NPIPB2: variants seen among roughly 807,000 people sequenced by gnomAD.
NPIPB2 encodes nuclear pore complex interacting protein family member B2.
A neutral mutation model predicts 30.8 loss-of-function variants in NPIPB2; 27 were observed. That is an observed-to-expected ratio of 0.88 (90% CI 0.65 to 1.21). The LOEUF is 1.21. Among genes scored for constraint, NPIPB2 ranks in the 50% most tolerant of loss-of-function variants. NPIPB2 has a pLI of 0.00. For synonymous variants in NPIPB2, 147 were observed against 162.0 expected, an observed-to-expected ratio of 0.91 and a Z score of 0.70; for missense variants, 440 against 446.2, an observed-to-expected ratio of 0.99 and a Z score of 0.13.
chr16:11,951,526 G>A (rs1275675232), intron 1 of NPIPB2, among the ~76,000 whole-genome samples: 5 of 150,308 alleles, frequency 3.3e-5, no homozygotes, highest in Non-Finnish European at 7.4e-5. Context: ...CAAAGTGAGG[G>A]CTAATATTTC....
intron 1 of NPIPB2, chr16:11,967,224 GC>G (rs2055201287): frequency 4.4e-6 from 1 of 225,432 alleles, no homozygotes; most frequent in Admixed American, 5.4e-5. Flanking sequence ...ATGGTCTCAA[GC>G]TCCTGACCAC....
chr16:11,937,489 A>C (rs637136), intron 2 of NPIPB2, 51 bp downstream of exon 2: 34,649 of 927,708 alleles, frequency 0.037, 973 homozygotes, highest in Admixed American at 0.078. Context: ...TATATAATTT[A>C]TTCTTATTTG....
In NPIPB2 at chr16:11,951,745, A is replaced by G. The variant is rs539903915; in HGVS notation, c.-583-9631T>C. Among the ~76,000 whole-genome samples, 489 of 151,652 alleles carry G rather than the reference A, an allele frequency of 3.2e-3. 1 individual carries two copies. The highest frequency in any genetic ancestry group is 5.7e-3 in the Non-Finnish European group (384 of 67,872). On this transcript the variant is annotated intron_variant, in intron 1 of 5. Coordinates refer to the NPIPB2 transcript ENST00000538896. ...TGGTATTGATAGAAACCCCTGGAGT[A>G]GGCCAGGTGCGGTGGCTCACGCCTG...
At chr16:11,942,781 C>T (rs1462165808), upstream of NPIPB2, among the ~76,000 whole-genome samples, 1 of 151,648 alleles carries the variant, frequency 6.6e-6, no homozygotes, top group Non-Finnish European at 1.5e-5. Flanking sequence ...GGACAGACCC[C>T]CACTGTCCAT....
At chr16:11,965,715 A>G (rs956088954) in intron 1 of NPIPB2, among the ~76,000 whole-genome samples, 9 of 152,240 alleles carry the variant, frequency 5.9e-5, no homozygotes, top group Admixed American at 3.9e-4. Context: ...AGAATTTAAA[A>G]GTCAATGTTC....
At chr16:11,945,479 G>C (rs2054997019), upstream of NPIPB2, among the ~76,000 whole-genome samples, 2 of 151,948 alleles carry the variant, frequency 1.3e-5, no homozygotes, top group South Asian at 4.1e-4. Context: ...TTTGAGACCA[G>C]GCTGACCACG....
chr16:11,953,232 G>A (rs966027770), intron 1 of NPIPB2, among the ~76,000 whole-genome samples: 20 of 152,022 alleles, frequency 1.3e-4, no homozygotes, highest in African/African-American at 2.7e-4. Context: ...TGCAACCTCC[G>A]CTTCCTGGGT....
At chr16:11,960,907 C>A (rs914344211) in intron 1 of NPIPB2, among the ~76,000 whole-genome samples, 3 of 151,146 alleles carry the variant, frequency 2.0e-5, no homozygotes, top group African/African-American at 7.3e-5. Context: ...CACTCCGTAG[C>A]CCAGACTGCA....
At chr16:11,938,247 G>A (rs2054893662) in intron 1 of NPIPB2, among the ~76,000 whole-genome samples, 1 of 152,196 alleles carries the variant, frequency 6.6e-6, no homozygotes, top group East Asian at 1.9e-4. Context: ...TTGAACTCCT[G>A]ACAGGTGATC....
At chr16:11,944,147 C>T (rs2054976282), upstream of NPIPB2, among the ~76,000 whole-genome samples, 1 of 151,482 alleles carries the variant, frequency 6.6e-6, no homozygotes, top group Admixed American at 6.6e-5. Flanking sequence ...CCAGTACTGC[C>T]TGTGATACAG....
At chr16:11,965,482 C>A in intron 1 of NPIPB2, 1 of 1,611,578 alleles carries the variant, frequency 6.2e-7, no homozygotes, top group South Asian at 1.1e-5. Context: ...AACGATTATT[C>A]ATTGGTGTGA....
At chr16:11,975,455 A>T (rs1053322404) in intron 1 of NPIPB2, among the ~76,000 whole-genome samples, 6 of 151,560 alleles carry the variant, frequency 4.0e-5, no homozygotes, top group African/African-American at 1.5e-4. Flanking sequence ...CCAATCCATC[A>T]CCTTTTCTAT....
chr16:11,948,980 A>T (rs1472930987), intron 1 of NPIPB2, among the ~76,000 whole-genome samples: 2 of 151,792 alleles, frequency 1.3e-5, no homozygotes, highest in Non-Finnish European at 2.9e-5. Context: ...TCTACAAAAA[A>T]TTTGAAAATT....
intron 1 of NPIPB2, chr16:11,967,649 C>G (rs776988503): frequency 6.2e-7 from 1 of 1,614,114 alleles, no homozygotes; most frequent in South Asian, 1.1e-5. Flanking sequence ...CGAGAGGCCT[C>G]GAGTACACGG....
At chr16:11,968,690 C>T (rs554515284) in intron 1 of NPIPB2, 2 of 152,204 alleles carry the variant, frequency 1.3e-5, no homozygotes, top group Admixed American at 1.3e-4. Flanking sequence ...TTAACACAGA[C>T]CTTCTCCACA....
upstream of NPIPB2, among the ~76,000 whole-genome samples, chr16:11,944,490 C>A (rs1487514081): frequency 6.6e-6 from 1 of 151,036 alleles, no homozygotes; most frequent in African/African-American, 2.4e-5. Context: ...AGGCAGAGTG[C>A]GGTAGCTCAC....
chr16:11,938,541 G>A (rs1474935256), intron 1 of NPIPB2, among the ~76,000 whole-genome samples: 2 of 151,072 alleles, frequency 1.3e-5, no homozygotes, highest in Admixed American at 6.6e-5. Flanking sequence ...ATGTTGGCCA[G>A]GGTGGTCTCA....
intron 1 of NPIPB2, among the ~76,000 whole-genome samples, chr16:11,961,711 C>T (rs188400569): frequency 7.4e-5 from 11 of 147,970 alleles, no homozygotes; most frequent in African/African-American, 1.5e-4. Context: ...ACCTGGGAGA[C>T]GGAGGTTGCA....
At chr16:11,951,666 A>ACACACACACACACACACACACCCC (rs1226047972) in intron 1 of NPIPB2, among the ~76,000 whole-genome samples, 19 of 138,960 alleles carry the variant, frequency 1.4e-4, no homozygotes, top group South Asian at 5.1e-4. Flanking sequence ...ACACACACAC[A>ACACACACACACACACACACACCCC]CCCAGCCCCC....
Sources: gnomAD v4.1 joint callset for allele counts (sites outside exome capture counted in the v4.1 genomes callset) on GRCh38, gnomAD v4.1.1 for gene constraint, MANE v1.5 for transcripts, NCBI Gene and HGNC (gene_info 2026-07-23, HGNC 2026-07-21) for gene names.